Variants in CCDC148 observed in about 807,000 individuals in gnomAD.
CCDC148 encodes coiled-coil domain-containing protein 148.
A neutral mutation model predicts 85.7 loss-of-function variants in CCDC148; 89 were observed. The observed-to-expected ratio is 1.04, with a 90% CI of 0.87 to 1.24. The LOEUF (loss-of-function observed/expected upper bound fraction) is 1.24. CCDC148 is among the 50% of genes most tolerant of loss of function. The probability of loss-of-function intolerance (pLI) is 0.00; values close to 1 mark genes in which losing one functional copy is unlikely to be tolerated. For synonymous variants in CCDC148, 230 were observed against 213.9 expected (o/e 1.08, Z -0.66); for missense variants, 692 against 671.7 (o/e 1.03, Z -0.33).
chr2:158,233,794 C>G (rs1281450628), intron 10 of CCDC148, among the ~76,000 whole-genome samples: 1 of 152,072 alleles, frequency 6.6e-6, no homozygotes, highest in Non-Finnish European at 1.5e-5. Flanking sequence ...ACTCTCAAAA[C>G]CTTTCAGCCA....
At chr2:158,211,624 A>C (rs1686581704) in intron 11 of CCDC148, among the ~76,000 whole-genome samples, 1 of 152,226 alleles carries the variant, frequency 6.6e-6, no homozygotes, top group South Asian at 2.1e-4. Flanking sequence ...TGTAAACAAC[A>C]AAGTAAAAGC....
intron 1 of CCDC148, among the ~76,000 whole-genome samples, chr2:158,430,804 T>G (rs1687312138): frequency 6.6e-6 from 1 of 152,040 alleles, no homozygotes; most frequent in South Asian, 2.1e-4. Context: ...ATGATAGAAT[T>G]AGTATGAAAG....
intron 11 of CCDC148, among the ~76,000 whole-genome samples, chr2:158,209,905 A>G (rs1240223465): frequency 1.3e-5 from 2 of 152,152 alleles, no homozygotes; most frequent in African/African-American, 4.8e-5. Context: ...TGTATCAACT[A>G]ATGGGCAAAA....
chr2:158,401,775 C>G (rs1416100322), intron 1 of CCDC148, among the ~76,000 whole-genome samples: 1 of 151,956 alleles, frequency 6.6e-6, no homozygotes, highest in Admixed American at 6.6e-5. Context: ...TCAAGTAAGA[C>G]AAGCCTTTCT....
intron 7 of CCDC148, among the ~76,000 whole-genome samples, chr2:158,336,503 T>C (rs1316076768): frequency 5.3e-5 from 8 of 152,210 alleles, no homozygotes. Flanking sequence ...CAAAGCCATA[T>C]ACTAAACTAA....
intron 9 of CCDC148, among the ~76,000 whole-genome samples, chr2:158,283,847 T>A (rs946008905): frequency 6.6e-6 from 1 of 152,066 alleles, no homozygotes; most frequent in Non-Finnish European, 1.5e-5. Flanking sequence ...TGTGGCACTA[T>A]TGACAATAGC....
At chr2:158,450,156 C>T (rs780102469) in intron 1 of CCDC148, among the ~76,000 whole-genome samples, 36 of 152,264 alleles carry the variant, frequency 2.4e-4, no homozygotes, top group African/African-American at 4.6e-4. Flanking sequence ...CCAGGCATCA[C>T]GGCTGAAGGA....
At chr2:158,310,584 A>T (rs1691938354) in intron 8 of CCDC148, among the ~76,000 whole-genome samples, 2 of 150,818 alleles carry the variant, frequency 1.3e-5, no homozygotes, top group Admixed American at 1.3e-4. Flanking sequence ...TGCCGGGCGG[A>T]GGGGCTCCTC....
intron 9 of CCDC148, among the ~76,000 whole-genome samples, chr2:158,296,774 C>T (rs1691209157): frequency 6.6e-6 from 1 of 152,106 alleles, no homozygotes; most frequent in Non-Finnish European, 1.5e-5. Flanking sequence ...AAGAGTAGGG[C>T]TACTTGGAAT....
intron 1 of CCDC148, among the ~76,000 whole-genome samples, chr2:158,431,056 C>T (rs927412430): frequency 2.7e-5 from 4 of 149,774 alleles, no homozygotes; most frequent in Admixed American, 1.3e-4. Flanking sequence ...GAAAAAAGAC[C>T]AAAAAATTAA....
intron 1 of CCDC148, among the ~76,000 whole-genome samples, chr2:158,455,765 G>A (rs973142475): frequency 6.6e-6 from 1 of 152,150 alleles, no homozygotes. Flanking sequence ...CTCACTTTAA[G>A]AAGGTGATAT....
At chr2:158,412,812 T>A (rs1686316069) in intron 1 of CCDC148, among the ~76,000 whole-genome samples, 1 of 146,468 alleles carries the variant, frequency 6.8e-6, no homozygotes, top group African/African-American at 2.5e-5. Flanking sequence ...TTGACCTTTA[T>A]AGCAATATAA....
intron 5 of CCDC148, among the ~76,000 whole-genome samples, chr2:158,339,739 G>T (rs1414932571): frequency 2.6e-5 from 4 of 152,190 alleles, no homozygotes; most frequent in Non-Finnish European, 4.4e-5. Flanking sequence ...CAACAGGACA[G>T]AGGAAATAGC....
chr2:158,419,034 C>T (rs781355818), intron 1 of CCDC148, among the ~76,000 whole-genome samples: 1 of 152,022 alleles, frequency 6.6e-6, no homozygotes, highest in Non-Finnish European at 1.5e-5. Flanking sequence ...GATAATAACC[C>T]AAATGTGTGC....
At chr2:158,224,774 G>C (rs902618657) in intron 10 of CCDC148, among the ~76,000 whole-genome samples, 6 of 152,114 alleles carry the variant, frequency 3.9e-5, no homozygotes, top group South Asian at 4.1e-4. Flanking sequence ...GTCACCACCA[G>C]GCCTGCCCTA....
chr2:158,353,100 C>T (rs1446148025), intron 2 of CCDC148, among the ~76,000 whole-genome samples: 12 of 151,524 alleles, frequency 7.9e-5, no homozygotes, highest in African/African-American at 1.5e-4. Flanking sequence ...AAAGAACAAC[C>T]GGTACCAGCC....
At position 158,402,503 on chromosome 2, in the gene CCDC148, G is replaced by A. The variant is rs1377002077; in HGVS notation, c.26-43933C>T. 4.0e-5 allele frequency among the ~76,000 whole-genome samples: 6 copies of A among 151,894 alleles called. 1 individual carries two copies. The highest frequency in any genetic ancestry group is 8.8e-5 in the Non-Finnish European group (6 of 67,976). On this transcript the variant is annotated intron_variant, in intron 1 of 13. Coordinates refer to ENST00000283233, the MANE Select transcript of CCDC148 (RefSeq NM_138803.4). ...AGAGATCAGTTTTCCTGAGGTGTCAGGTATGGGATCATCAATAGTCCCAGC... is the reference window on the plus strand; with the variant it reads ...AGAGATCAGTTTTCCTGAGGTGTCAAGTATGGGATCATCAATAGTCCCAGC...
At chr2:158,417,268 C>T (rs188158105) in intron 1 of CCDC148, among the ~76,000 whole-genome samples, 1 of 152,332 alleles carries the variant, frequency 6.6e-6, no homozygotes, top group African/African-American at 2.4e-5. Flanking sequence ...AATGTAACAA[C>T]AGCCACAGAT....
intron 11 of CCDC148, among the ~76,000 whole-genome samples, chr2:158,214,269 A>C (rs764883224): frequency 6.6e-6 from 1 of 152,146 alleles, no homozygotes; most frequent in Non-Finnish European, 1.5e-5. Context: ...TTCGCTATCC[A>C]GTTTGCTCAC....
Sources: gnomAD v4.1 joint callset for allele counts (sites outside exome capture counted in the v4.1 genomes callset) on GRCh38, gnomAD v4.1.1 for gene constraint, MANE v1.5 for transcripts, NCBI Gene and HGNC (gene_info 2026-07-23, HGNC 2026-07-21) for gene names.